TEP1: variants seen among roughly 807,000 people sequenced by gnomAD.
TEP1 encodes telomerase protein component 1.
In TEP1, 241 loss-of-function variants were observed where a neutral mutation model predicts 306.3. The observed-to-expected ratio is 0.79, with a 90% confidence interval of 0.71 to 0.88. The LOEUF is 0.88. Among genes scored for constraint, TEP1 ranks in the 40% least tolerant of loss-of-function variants. TEP1 has a pLI of 0.00. For missense variants in TEP1, 3,051 were observed against 3,276.1 expected, an observed-to-expected ratio of 0.93 and a Z score of 1.68; for synonymous variants, 1,289 against 1,305.5, an observed-to-expected ratio of 0.99 and a Z score of 0.27.
rs771115273 is a variant in TEP1 at position 20,382,684 on chromosome 14, C to G, written c.4079G>C (p.Gly1360Ala). Residue 1360 changes from glycine (G) to alanine (A), a missense_variant, in exon 28 of 55, where the codon GGC becomes GCC. Gly to Ala is a moderately conservative substitution (Grantham distance 60). Around this residue, in one of 3 missense-constraint regions of TEP1, gnomAD observed 1,540 missense variants for 1,705.9 expected, o/e 0.90. Coordinates refer to ENST00000262715, the MANE Select transcript of TEP1 (RefSeq NM_007110.5). Reference protein sequence around the residue: ...MRLLLVKRESGRPLYLRLVTD... With the variant: ...MRLLLVKRESARPLYLRLVTD... ...GACCAAGCGCAGGTAGAGCGGCCGGCCTGATTCCCGCTTCACCAGCAGCAG... is the reference window on the plus strand; with the variant it reads ...GACCAAGCGCAGGTAGAGCGGCCGGGCTGATTCCCGCTTCACCAGCAGCAG... 1.2e-5 allele frequency: 19 copies of G among 1,614,088 alleles called. No homozygotes were observed. Among genetic ancestry groups the G allele is most frequent in the Non-Finnish European group, 1.4e-5 (17 of 1,179,998 alleles).
rs1448357946 is a variant in TEP1, at chr14:20,384,723, A to G, written c.3108-10T>C. The G allele has an allele frequency of 1.2e-6, 2 of 1,606,918 alleles. No homozygotes were observed. Among genetic ancestry groups the G allele is most frequent in the South Asian group, 2.2e-5 (2 of 91,004 alleles). ...GGCATCTGGCACAGAGCTGACCACC[A>G]AAGACCCCAAAAGTTGGAATAGACT... On this transcript the variant is annotated splice_polypyrimidine_tract_variant and intron_variant, in intron 21 of 54. Coordinates refer to ENST00000262715, the MANE Select transcript of TEP1 (RefSeq NM_007110.5).
chr14:20,397,057 T>C (rs1364321739), intron 9 of TEP1, among the ~76,000 whole-genome samples: 1 of 152,038 alleles, frequency 6.6e-6, no homozygotes, highest in East Asian at 1.9e-4. Context: ...AAAAACAGGG[T>C]TGGCCCAAAG....
In TEP1 at chr14:20,373,310, C is replaced by T; in HGVS notation, c.6774G>A (p.Glu2258=). The T allele has an allele frequency of 1.9e-6, 3 of 1,614,202 alleles. No homozygotes were observed. The South Asian group carries it at 3.3e-5, about 18-fold the overall frequency. ...ETSGLMLTAS[E]DGSVRLWQVP... ...CCTGCCAGAGCCGTACAGAACCATC[C>T]TCAGAGGCGGTCAGCATGAGGCCTG... is the stretch of plus-strand genomic sequence containing the variant. The change falls in exon 47 of 55, where the codon GAG becomes GAA. Residue 2258 remains glutamate (E), a synonymous_variant. Coordinates refer to ENST00000262715, the MANE Select transcript of TEP1 (RefSeq NM_007110.5).
chr14:20,393,782 A>C lies in TEP1; in HGVS notation c.1928+1668T>G, dbSNP rs563923500. ...GGGTGACGAAGTGGGACTTTGTCTC[A>C]ATTAAAAAAAAAAAAAGAGCCAGGG... On this transcript the variant is annotated intron_variant, in intron 12 of 54. Coordinates refer to ENST00000262715, the MANE Select transcript of TEP1 (RefSeq NM_007110.5). 8.8e-4 allele frequency among the ~76,000 whole-genome samples: 133 copies of C among 150,744 alleles called. 1 individual carries two copies. The highest frequency in any genetic ancestry group is 1.7e-3 in the Non-Finnish European group (116 of 67,760).
At chr14:20,405,400 C>A (rs756901657) in intron 4 of TEP1, 51 bp downstream of exon 4, 3 of 1,605,568 alleles carry the variant, frequency 1.9e-6, no homozygotes, top group Middle Eastern at 2.0e-4. Context: ...CATAACCACA[C>A]TCCCAGTCTA....
chr14:20,366,936 T>C lies in TEP1; in HGVS notation c.*1501A>G, dbSNP rs1289484659. ...GGCCAAGGGCAGGAGGAAGCTCTAGTTGTCTGTCTCCCATGCTCTGAAAAT... is the reference window on the plus strand; with the variant it reads ...GGCCAAGGGCAGGAGGAAGCTCTAGCTGTCTGTCTCCCATGCTCTGAAAAT... On this transcript the variant is annotated 3_prime_UTR_variant, in exon 55 of 55. Transcript: ENST00000262715. The C allele has an allele frequency of 6.6e-6, 1 of 152,240 alleles. No homozygotes were observed. The highest frequency in any genetic ancestry group is 1.5e-5 in the Non-Finnish European group (1 of 68,054). 9.4% of individuals were successfully genotyped at this position (152,240 alleles called of 1,614,324 possible). A position where few individuals can be genotyped will look rare whatever the true frequency, so the allele number is the denominator to read the frequency against.
intron 1 of TEP1, among the ~76,000 whole-genome samples, chr14:20,410,037 A>T (rs1000805099): frequency 0.014 from 1,519 of 106,746 alleles, 184 homozygotes; most frequent in Admixed American, 0.07. Flanking sequence ...AAAAAAAAAA[A>T]AAAAAAAAAA....
rs1884493462 is a variant in TEP1, at chr14:20,366,760, C to T, written c.*1677G>A. On this transcript the variant is annotated 3_prime_UTR_variant, in exon 55 of 55. Coordinates refer to ENST00000262715, the MANE Select transcript of TEP1 (RefSeq NM_007110.5). Reference sequence around the variant, plus strand: ...GAAACCTACCAAACCAGGACAAAATCCCTGTAATAGCCTTCACTTATCTCC... The same window carrying T: ...GAAACCTACCAAACCAGGACAAAATTCCTGTAATAGCCTTCACTTATCTCC... 1 of 152,188 alleles carries T rather than the reference C, an allele frequency of 6.6e-6. No individual in the cohort carries two copies. Among genetic ancestry groups the T allele is most frequent in the Non-Finnish European group, 1.5e-5 (1 of 68,040 alleles). The allele number at this position is 152,188 out of a possible 1,614,324, so 9.4% of individuals were successfully genotyped here. A position where few individuals can be genotyped will look rare whatever the true frequency, so the allele number is the denominator to read the frequency against.
At chr14:20,391,241 GC>G (rs1877695610) in intron 13 of TEP1, 145 bp from the exon 14 acceptor site, 1 of 858,006 alleles carries the variant, frequency 1.2e-6, no homozygotes, top group African/African-American at 1.7e-5. Flanking sequence ...GTCAGCTTCA[GC>G]AGCCCTCAGG....
chr14:20,382,514 G>A (rs768391806), intron 28 of TEP1, 109 bp downstream of exon 28: 6 of 1,532,702 alleles, frequency 3.9e-6, no homozygotes, highest in Non-Finnish European at 5.4e-6. Flanking sequence ...GCGAGGATAG[G>A]GAGTGGGTGA....
Position 20,391,604 on chromosome 14 carries a change from G to C in TEP1, c.2092C>G (p.Gln698Glu). Reference protein sequence around the residue: ...ADRLCPKSNPQGPPLNYALLL... With the variant: ...ADRLCPKSNPEGPPLNYALLL... ...GATGCTTTTTGTTTTCTTACCCCTTGTGGGTTGCTCTTTGGACAGAGCCTG... is the reference window on the plus strand; with the variant it reads ...GATGCTTTTTGTTTTCTTACCCCTTCTGGGTTGCTCTTTGGACAGAGCCTG... Residue 698 changes from glutamine (Q) to glutamate (E), a missense_variant, in exon 13 of 55, where the codon CAA becomes GAA. Around this residue, in one of 3 missense-constraint regions of TEP1, gnomAD observed 1,507 missense variants for 1,550.5 expected, o/e 0.97. Transcript: ENST00000262715. 6.2e-7 allele frequency: 1 copy of C among 1,612,976 alleles called. No homozygotes were observed. The highest frequency in any genetic ancestry group is 8.5e-7 in the Non-Finnish European group (1 of 1,179,374).
chr14:20,395,973 T>A, intron 10 of TEP1, 24 bp from the exon 11 acceptor site: 2 of 1,603,430 alleles, frequency 1.2e-6, no homozygotes, highest in South Asian at 1.1e-5. Context: ...GAGGGAGGGG[T>A]CATGAGCACA....
At chr14:20,384,540 G>A (rs756452134) in intron 22 of TEP1, 32 bp from the exon 23 acceptor site, 1 of 1,613,906 alleles carries the variant, frequency 6.2e-7, no homozygotes, top group South Asian at 1.1e-5. Flanking sequence ...CCAGGTCAGA[G>A]CAGGCCCGGC....
intron 1 of TEP1, among the ~76,000 whole-genome samples, chr14:20,410,053 A>T: frequency 2.9e-5 from 4 of 138,838 alleles, no homozygotes; most frequent in Non-Finnish European, 6.3e-5. Context: ...AAAAAAAAAA[A>T]AAATGCCTAC....
chr14:20,389,006 G>C (rs1877463853), intron 17 of TEP1, among the ~76,000 whole-genome samples: 1 of 152,156 alleles, frequency 6.6e-6, no homozygotes, highest in African/African-American at 2.4e-5. Flanking sequence ...AAATTAGCCG[G>C]GCATGGTGGT....
intron 14 of TEP1, 61 bp from the exon 15 acceptor site, chr14:20,390,819 G>T: frequency 6.2e-7 from 1 of 1,611,838 alleles, no homozygotes; most frequent in Middle Eastern, 1.7e-4. Flanking sequence ...CTGCAGTCTT[G>T]CAGTCTGCTT....
intron 9 of TEP1, among the ~76,000 whole-genome samples, chr14:20,398,648 G>A (rs2139155787): frequency 6.6e-6 from 1 of 152,214 alleles, no homozygotes; most frequent in South Asian, 2.1e-4. Flanking sequence ...GGTAAGTACT[G>A]GGAAAATTCT....
chr14:20,398,561 A>G (rs73587007), intron 9 of TEP1, among the ~76,000 whole-genome samples: 5,350 of 152,038 alleles, frequency 0.035, 305 homozygotes, highest in African/African-American at 0.12. Context: ...GTGGATGCTC[A>G]GAAAACCTCA....
Position 20,391,668 on chromosome 14 carries a change from GC to G in TEP1, c.2027del (p.Gly676AlafsTer8). The G allele has an allele frequency of 6.2e-7, 1 of 1,614,190 alleles. No individual in the cohort carries two copies. ...SVKHSLPLLP[G>X]RTVLVYLTDA... ...CTGTCAGATAGACCAAGACAGTGCGGCCTGGCAGCAGGGGCAGGCTGTGCTT... is the reference window on the plus strand; with the variant it reads ...CTGTCAGATAGACCAAGACAGTGCGGCTGGCAGCAGGGGCAGGCTGTGCTT... On this transcript the variant is annotated frameshift_variant, in exon 13 of 55. Transcript: ENST00000262715. LOFTEE classifies it high-confidence loss of function.
Sources: allele counts gnomAD v4.1 joint callset (sites outside exome capture counted in the v4.1 genomes callset), GRCh38; gene constraint gnomAD v4.1.1; regional missense constraint gnomAD v4.1.1; transcripts MANE v1.5; gene names NCBI Gene and HGNC (gene_info 2026-07-23, HGNC 2026-07-21).